ARHGAP15: variants seen among roughly 807,000 people sequenced by gnomAD.
The protein encoded by ARHGAP15 is rho GTPase-activating protein 15.
In ARHGAP15, 51 loss-of-function variants were observed where a neutral mutation model predicts 63.7. That is an observed-to-expected ratio of 0.80 (90% CI 0.64 to 1.01). The LOEUF is 1.01. ARHGAP15 is among the 50% of genes least tolerant of loss of function. ARHGAP15 has a pLI of 0.00. For synonymous variants in ARHGAP15, 191 were observed against 193.8 expected, an observed-to-expected ratio of 0.99 and a Z score of 0.12; for missense variants, 560 against 564.6, an observed-to-expected ratio of 0.99 and a Z score of 0.08.
chr2:143,479,536 CT>C (rs1260469080), intron 8 of ARHGAP15, among the ~76,000 whole-genome samples: 1 of 151,764 alleles, frequency 6.6e-6, no homozygotes. Context: ...ATATTTTCTT[CT>C]TTTTTTTAGT....
chr2:143,656,290 C>A (rs535746714), intron 12 of ARHGAP15: 11 of 152,278 alleles, frequency 7.2e-5, no homozygotes, highest in Admixed American at 6.5e-5. Context: ...GTCTTCCCAA[C>A]CTATCAGAGC....
chr2:143,552,007 G>A (rs1264443846), intron 10 of ARHGAP15, among the ~76,000 whole-genome samples: 1 of 152,182 alleles, frequency 6.6e-6, no homozygotes, highest in African/African-American at 2.4e-5. Context: ...AGACAGAAAC[G>A]TGCAGCGTTG....
At chr2:143,206,498 T>G (rs973032565) in intron 3 of ARHGAP15, among the ~76,000 whole-genome samples, 16 of 152,248 alleles carry the variant, frequency 1.1e-4, no homozygotes, top group African/African-American at 3.8e-4. Context: ...TAGCATTTTC[T>G]CTAGGAAGGA....
At chr2:143,395,566 T>C (rs1201949954) in intron 6 of ARHGAP15, among the ~76,000 whole-genome samples, 1 of 152,068 alleles carries the variant, frequency 6.6e-6, no homozygotes, top group Non-Finnish European at 1.5e-5. Context: ...ACATAATTAG[T>C]GTTAAAGGCT....
At chr2:143,363,715 A>G (rs1686164254) in intron 6 of ARHGAP15, among the ~76,000 whole-genome samples, 1 of 152,156 alleles carries the variant, frequency 6.6e-6, no homozygotes, top group Admixed American at 6.5e-5. Context: ...TACTCTGCAC[A>G]ACACCTATCA....
At chr2:143,435,776 C>G in intron 7 of ARHGAP15, 77 bp downstream of exon 7, 1 of 1,383,364 alleles carries the variant, frequency 7.2e-7, no homozygotes, top group South Asian at 1.3e-5. Flanking sequence ...GCATATAACA[C>G]ACACACTCAT....
intron 2 of ARHGAP15, among the ~76,000 whole-genome samples, chr2:143,165,954 G>GAAAA (rs1690488375): frequency 9.2e-6 from 1 of 109,066 alleles, no homozygotes; most frequent in African/African-American, 3.6e-5. Flanking sequence ...AAGAAAGAAA[G>GAAAA]AAAGAGAGAA....
intron 8 of ARHGAP15, among the ~76,000 whole-genome samples, chr2:143,463,217 C>T (rs1311370474): frequency 6.6e-6 from 1 of 151,706 alleles, no homozygotes; most frequent in African/African-American, 2.4e-5. Flanking sequence ...CTAGGTAGCT[C>T]ACCTGGCCTA....
chr2:143,540,019 C>T (rs1694971708), intron 10 of ARHGAP15, among the ~76,000 whole-genome samples: 1 of 152,150 alleles, frequency 6.6e-6, no homozygotes, highest in East Asian at 1.9e-4. Flanking sequence ...GAGTCTGAGT[C>T]TCTTTGTAGG....
chr2:143,205,045 T>A (rs1692275089), intron 3 of ARHGAP15, among the ~76,000 whole-genome samples: 1 of 151,624 alleles, frequency 6.6e-6, no homozygotes, highest in Non-Finnish European at 1.5e-5. Context: ...GGGGCTCACT[T>A]TAGGTTGGGA....
chr2:143,568,315 A>G (rs1197604896), intron 11 of ARHGAP15, among the ~76,000 whole-genome samples: 1 of 152,216 alleles, frequency 6.6e-6, no homozygotes, highest in Non-Finnish European at 1.5e-5. Flanking sequence ...AACTTAAACA[A>G]ATTTACAAGA....
At chr2:143,692,505 G>A (rs183811578) in intron 12 of ARHGAP15, among the ~76,000 whole-genome samples, 1 of 152,254 alleles carries the variant, frequency 6.6e-6, no homozygotes, top group Admixed American at 6.5e-5. Context: ...GTATTTGGGT[G>A]ACAATAATGG....
chr2:143,160,116 G>C (rs1163873289), intron 2 of ARHGAP15, among the ~76,000 whole-genome samples: 2 of 151,780 alleles, frequency 1.3e-5, no homozygotes, highest in African/African-American at 4.8e-5. Context: ...GATAGAATTT[G>C]TTTTCTTTCT....
At chr2:143,560,676 A>G (rs1193394242) in intron 11 of ARHGAP15, among the ~76,000 whole-genome samples, 4 of 152,202 alleles carry the variant, frequency 2.6e-5, no homozygotes, top group South Asian at 2.1e-4. Context: ...CTACCGTTGG[A>G]GTTTTGCTAA....
intron 13 of ARHGAP15, among the ~76,000 whole-genome samples, chr2:143,721,059 C>G (rs1685033918): frequency 6.0e-5 from 1 of 16,784 alleles, no homozygotes; most frequent in Non-Finnish European, 3.7e-4. Context: ...AAGACTCCGT[C>G]TCAAAAAAAA....
At chr2:143,153,050 A>G (rs967715200) in intron 1 of ARHGAP15, among the ~76,000 whole-genome samples, 3 of 152,010 alleles carry the variant, frequency 2.0e-5, no homozygotes, top group Non-Finnish European at 4.4e-5. Context: ...ACAGTAGCAT[A>G]TCACTAGGCA....
intron 8 of ARHGAP15, among the ~76,000 whole-genome samples, chr2:143,471,046 CAT>C (rs141455467): frequency 0.014 from 2,070 of 148,216 alleles, 34 homozygotes; most frequent in African/African-American, 0.044. Flanking sequence ...TGCACACACA[CAT>C]GTGTGCATAT....
rs560386005 is a variant in ARHGAP15, at chr2:143,179,995, G to T, written c.166-22139G>T. On this transcript the variant is annotated intron_variant, in intron 2 of 13. Transcript: ENST00000295095. ...GTCATATCCTTTTTGCTGGTGGAAG[G>T]TCTTGCCTTGATGTTGATGGCTGCT... Among the ~76,000 whole-genome samples the T allele has an allele frequency of 7.2e-5, 11 of 152,296 alleles. 1 individual carries two copies. In the South Asian group the frequency reaches 2.1e-3, roughly 29 times the overall value.
At chr2:143,428,473 T>G (rs943620218) in intron 6 of ARHGAP15, among the ~76,000 whole-genome samples, 1 of 151,824 alleles carries the variant, frequency 6.6e-6, no homozygotes, top group African/African-American at 2.4e-5. Context: ...GGGATCACTT[T>G]GGCTGCAATA....
Sources: gnomAD v4.1 joint callset for allele counts (sites outside exome capture counted in the v4.1 genomes callset) on GRCh38, gnomAD v4.1.1 for gene constraint, MANE v1.5 for transcripts, NCBI Gene and HGNC (gene_info 2026-07-23, HGNC 2026-07-21) for gene names.